The following SEC14L1 variants were observed in gnomAD, a reference collection of about 807,000 sequenced individuals.
SEC14L1 encodes SEC14-like protein 1.
A neutral mutation model predicts 85.3 loss-of-function variants in SEC14L1; 48 were observed. The observed-to-expected ratio is 0.56, with a 90% CI of 0.45 to 0.72. SEC14L1 has a LOEUF of 0.72. Ranked by LOEUF, SEC14L1 falls within the 30% of genes least tolerant of loss-of-function variation. SEC14L1 has a pLI of 0.00. For synonymous variants in SEC14L1, 391 were observed against 355.5 expected (o/e 1.10, Z -1.12); for missense variants, 682 against 921.4 (o/e 0.74, Z 3.36).
chr17:77,188,377 T>C (rs888316210), intron 3 of SEC14L1, among the ~76,000 whole-genome samples: 1 of 150,758 alleles, frequency 6.6e-6, no homozygotes, highest in Non-Finnish European at 1.5e-5. Context: ...AAGAGTGTTA[T>C]GGACAGGGAA....
chr17:77,097,761 A>C (rs1338751562), intron 3 of SEC14L1, among the ~76,000 whole-genome samples: 3 of 152,136 alleles, frequency 2.0e-5, no homozygotes, highest in African/African-American at 7.2e-5. Flanking sequence ...GGATATGTTA[A>C]AATACAGCCA....
chr17:77,213,221 C>G lies in SEC14L1; in HGVS notation c.1864-93C>G. The G allele has an allele frequency of 9.1e-7, 1 of 1,103,830 alleles. No homozygotes were observed. Among genetic ancestry groups the G allele is most frequent in the Admixed American group, 2.7e-5 (1 of 37,502 alleles). The allele number at this position is 1,103,830 out of a possible 1,614,324, so 68.4% of individuals were successfully genotyped here. On this transcript the variant is annotated intron_variant, in intron 15 of 16. Transcript: ENST00000436233. The surrounding 1 kb of genome is among the most constrained non-coding windows in gnomAD (Gnocchi z 7.1). The stretch of plus-strand genomic sequence containing the variant: ...ATAGTTTCCGTAGCTACATGAAATC[C>G]TAAAGACAGTCCCCTTGGCGCTTGT...
intron 3 of SEC14L1, among the ~76,000 whole-genome samples, chr17:77,119,057 C>A (rs1199720662): frequency 1.3e-5 from 2 of 152,110 alleles, no homozygotes; most frequent in African/African-American, 4.8e-5. Context: ...TGTCTGTAAT[C>A]CCAGCACTTT....
intron 3 of SEC14L1, chr17:77,143,873 A>C (rs1973161553): frequency 2.4e-6 from 1 of 424,536 alleles, no homozygotes; most frequent in Non-Finnish European, 4.2e-6. Flanking sequence ...AATGCACCTC[A>C]GGGTAATGTA....
chr17:77,100,426 C>CT (rs1459984586), intron 3 of SEC14L1, among the ~76,000 whole-genome samples: 731 of 54,810 alleles, frequency 0.013, 15 homozygotes, highest in South Asian at 0.022. Flanking sequence ...CTCTCTCTCT[C>CT]TCTTTTTTTT....
At position 77,216,579 on chromosome 17, in the gene SEC14L1, A is replaced by G. The variant is rs1443407941; in HGVS notation, c.*2556A>G. The G allele has an allele frequency of 1.2e-6, 2 of 1,613,332 alleles. No homozygotes were observed. Among genetic ancestry groups the G allele is most frequent in the East Asian group, 2.2e-5 (1 of 44,890 alleles). ...GATTTTGCTGACAGCTGCCAAGAAA[A>G]TGCTTCACTCAACAGTCCTCATGTG... On this transcript the variant is annotated 3_prime_UTR_variant, in exon 17 of 17. Coordinates refer to ENST00000436233, the MANE Select transcript of SEC14L1 (RefSeq NM_001143998.2).
intron 9 of SEC14L1, among the ~76,000 whole-genome samples, chr17:77,203,214 G>A (rs1976264489): frequency 6.6e-6 from 1 of 152,188 alleles, no homozygotes; most frequent in South Asian, 2.1e-4. Context: ...AGCCCCAGTT[G>A]TTCAAAGTGA....
rs1309337675 is a variant in SEC14L1, at chr17:77,143,618, C to T, written c.22C>T (p.Pro8Ser). ...AATCATGGTGCAGAAATACCAGTCC[C>T]CAGTGAGGGTGTACAAATACCCCTT... MVQKYQS[P>S]VRVYKYPFEL... The change falls in exon 3 of 17, where the codon CCA becomes TCA. Residue 8 changes from proline to serine, a missense_variant. Coordinates refer to ENST00000436233, the MANE Select transcript of SEC14L1 (RefSeq NM_001143998.2). 6 of 1,613,210 alleles carry T rather than the reference C, an allele frequency of 3.7e-6. No individual in the cohort carries two copies. In the African/African-American group the frequency reaches 8.0e-5, roughly 22 times the overall value.
chr17:77,206,989 T>G lies in SEC14L1; in HGVS notation c.1476+127T>G. On this transcript the variant is annotated intron_variant, in intron 13 of 16. Coordinates refer to ENST00000436233, the MANE Select transcript of SEC14L1 (RefSeq NM_001143998.2). This position sits in a 1 kb window ranked among gnomAD's most constrained non-coding sequence, Gnocchi z 4.3. ...ATGTTTTGTTTTTGTTTTGTTTCTT[T>G]TGGCCGCCATTTCTCTGATCCAGGG... is the stretch of plus-strand genomic sequence containing the variant. 1.0e-6 allele frequency: 1 copy of G among 1,000,644 alleles called. No individual in the cohort carries two copies. The highest frequency in any genetic ancestry group is 1.4e-6 in the Non-Finnish European group (1 of 702,294). The allele number at this position is 1,000,644 out of a possible 1,614,324, so 62.0% of individuals were successfully genotyped here. A position where few individuals can be genotyped will look rare whatever the true frequency, so the allele number is the denominator to read the frequency against.
At chr17:77,186,367 ACC>A (rs1338018995) in intron 3 of SEC14L1, among the ~76,000 whole-genome samples, 2 of 152,046 alleles carry the variant, frequency 1.3e-5, no homozygotes, top group Non-Finnish European at 2.9e-5. Flanking sequence ...CTGTGAACAG[ACC>A]CTGGCACGCT....
chr17:77,174,232 C>A (rs1318931654), intron 3 of SEC14L1, among the ~76,000 whole-genome samples: 1 of 152,236 alleles, frequency 6.6e-6, no homozygotes, highest in East Asian at 1.9e-4. Context: ...TGCACTCTTT[C>A]TTTAGAGGCC....
chr17:77,197,301 C>T (rs1446114180), intron 8 of SEC14L1, among the ~76,000 whole-genome samples: 1 of 152,232 alleles, frequency 6.6e-6, no homozygotes, highest in Non-Finnish European at 1.5e-5. Flanking sequence ...ACTTGGTCCA[C>T]GTGACACTCG....
At chr17:77,158,571 C>G (rs1462677546) in intron 3 of SEC14L1, among the ~76,000 whole-genome samples, 1 of 152,062 alleles carries the variant, frequency 6.6e-6, no homozygotes, top group African/African-American at 2.4e-5. Flanking sequence ...AGCCTAATGT[C>G]TTCAAGGTTC....
At chr17:77,132,000 G>A (rs1270880576) in intron 3 of SEC14L1, among the ~76,000 whole-genome samples, 1 of 152,150 alleles carries the variant, frequency 6.6e-6, no homozygotes, top group East Asian at 1.9e-4. Flanking sequence ...CCCAGGTCGG[G>A]AATGATGCAC....
chr17:77,212,126 C>A lies in SEC14L1; in HGVS notation c.1788C>A (p.Asp596Glu). 1 of 1,614,152 alleles carries A rather than the reference C, an allele frequency of 6.2e-7. No homozygotes were observed. The highest frequency in any genetic ancestry group is 1.1e-5 in the South Asian group (1 of 91,080). Residue 596 changes from aspartate (D) to glutamate (E), a missense_variant, in exon 15 of 17, where the codon GAC becomes GAA. Physicochemically the swap from Asp to Glu is conservative, Grantham distance 45. Around this residue, in one of 3 missense-constraint regions of SEC14L1, gnomAD observed 420 missense variants for 619.5 expected, o/e 0.68. Coordinates refer to ENST00000436233, the MANE Select transcript of SEC14L1 (RefSeq NM_001143998.2). ...SPGGNNVQLI[D>E]KVWQLGRDYS... ...GTGGGAACAATGTGCAGCTCATAGA[C>A]AAAGTCTGGCAGCTGGGCCGCGACT...
intron 3 of SEC14L1, among the ~76,000 whole-genome samples, chr17:77,134,376 A>T (rs1296132221): frequency 6.6e-6 from 1 of 152,044 alleles, no homozygotes; most frequent in Non-Finnish European, 1.5e-5. Flanking sequence ...CAGCCTCCCA[A>T]GTAGCTGGAA....
intron 6 of SEC14L1, among the ~76,000 whole-genome samples, chr17:77,194,232 G>A (rs1316913205): frequency 1.3e-5 from 2 of 151,952 alleles, no homozygotes; most frequent in African/African-American, 2.4e-5. Flanking sequence ...TATTAATTTT[G>A]TAGCAATTCA....
intron 3 of SEC14L1, among the ~76,000 whole-genome samples, chr17:77,124,474 G>GT (rs1972385697): frequency 6.6e-6 from 1 of 152,224 alleles, no homozygotes; most frequent in Non-Finnish European, 1.5e-5. Flanking sequence ...CCTTAGCTGT[G>GT]TATCACTGGG....
chr17:77,190,639 G>A (rs1975479894), intron 3 of SEC14L1, among the ~76,000 whole-genome samples, 164 bp from the exon 4 acceptor site: 1 of 152,198 alleles, frequency 6.6e-6, no homozygotes, highest in Non-Finnish European at 1.5e-5. Flanking sequence ...CATGGACATG[G>A]AGTGTCTTTT....
Sources: allele counts gnomAD v4.1 joint callset (sites outside exome capture counted in the v4.1 genomes callset), GRCh38; gene constraint gnomAD v4.1.1; regional missense constraint gnomAD v4.1.1; non-coding constraint Gnocchi (gnomAD v3.1); transcripts MANE v1.5; gene names NCBI Gene and HGNC (gene_info 2026-07-23, HGNC 2026-07-21).